The following DUOX2 variants were observed in gnomAD, a reference collection of about 807,000 sequenced individuals.
The protein encoded by DUOX2 is NADH/NADPH thyroid oxidase p138-tox.
A neutral mutation model predicts 183.3 loss-of-function variants in DUOX2; 185 were observed. That is an observed-to-expected ratio of 1.01 (90% CI 0.90 to 1.14). The LOEUF (loss-of-function observed/expected upper bound fraction) is 1.14. DUOX2 is among the 50% of genes most tolerant of loss of function. The pLI, the probability that DUOX2 is intolerant of heterozygous loss-of-function variation, is 0.00. For synonymous variants in DUOX2, 788 were observed against 812.4 expected, an observed-to-expected ratio of 0.97 and a Z score of 0.51; for missense variants, 1,999 against 2,022.9, an observed-to-expected ratio of 0.99 and a Z score of 0.23.
Position 45,093,906 on chromosome 15 carries a change from G to A in DUOX2, c.*244C>T, listed in dbSNP as rs751392993. On this transcript the variant is annotated 3_prime_UTR_variant, in exon 34 of 34. Coordinates refer to ENST00000389039, the MANE Select transcript of DUOX2 (RefSeq NM_001363711.2). ...GGAAGTCTGGAGGGCTGCAGGAATG[G>A]TGCCGTTGATAAACAGGTGGACTTA... 5 of 516,554 alleles carry A rather than the reference G, an allele frequency of 9.7e-6. No individual in the cohort carries two copies. The highest frequency in any genetic ancestry group is 1.9e-5 in the African/African-American group (1 of 51,866). 32.0% of individuals were successfully genotyped at this position (516,554 alleles called of 1,614,324 possible). A position where few individuals can be genotyped will look rare whatever the true frequency, so the allele number is the denominator to read the frequency against.
At chr15:45,097,949 G>A (rs1893950576) in intron 27 of DUOX2, 60 bp downstream of exon 27, 1 of 1,574,632 alleles carries the variant, frequency 6.4e-7, no homozygotes, top group Admixed American at 1.7e-5. Flanking sequence ...AGTATTCACA[G>A]AGAGATGGAG....
intron 23 of DUOX2, chr15:45,100,449 T>C (rs1056248658): frequency 8.2e-6 from 5 of 610,026 alleles, no homozygotes; most frequent in Admixed American, 2.9e-5. Flanking sequence ...CCCCTCCTCC[T>C]GTCTGTTTTA....
rs753544215 is a variant in DUOX2, at chr15:45,109,885, C to A, written c.1131+5G>T. ...ATCTTCCCCTGACCCTGACCCCAGT[C>A]TGACCTCCCGAATCCAGTAGTTGTT... On this transcript the variant is annotated splice_donor_5th_base_variant and intron_variant, in intron 10 of 33. Coordinates refer to ENST00000389039, the MANE Select transcript of DUOX2 (RefSeq NM_001363711.2). 4.9e-5 allele frequency: 79 copies of A among 1,614,012 alleles called. No homozygotes were observed. Among genetic ancestry groups the A allele is most frequent in the Non-Finnish European group, 6.4e-5 (75 of 1,179,984 alleles).
rs766411890 is a variant in DUOX2 at position 45,106,286 on chromosome 15, T to C, written c.1987A>G (p.Ile663Val). ...CACCTGTCTGACAGCAGCTGGATGA[T>C]GATGGGACTGCTCCTCTCCTTGGGG... ...PGPKERSSPI[I>V]IQLLSDRCLQ... Residue 663 changes from isoleucine to valine, a missense_variant, in exon 17 of 34, where the codon ATC (isoleucine) becomes GTC (valine). By Grantham distance (29) the Ile-to-Val change is conservative. Around this residue, in one of 3 missense-constraint regions of DUOX2, gnomAD observed 1,628 missense variants for 1,608.6 expected, o/e 1.01. Transcript: ENST00000389039. 103 of 1,614,030 alleles carry C rather than the reference T, an allele frequency of 6.4e-5. No homozygotes were observed. Among genetic ancestry groups the C allele is most frequent in the Middle Eastern group, 3.3e-4 (2 of 6,084 alleles).
At chr15:45,105,370 C>T (rs964955831) in intron 18 of DUOX2, among the ~76,000 whole-genome samples, 2 of 152,142 alleles carry the variant, frequency 1.3e-5, no homozygotes, top group Admixed American at 6.5e-5. Flanking sequence ...CTCATGTAGA[C>T]GATCTCACCG....
Position 45,105,753 on chromosome 15 carries a change from G to C in DUOX2, c.2224C>G (p.Leu742Val). Residue 742 changes from leucine to valine, a missense_variant, in exon 18 of 34, where the codon CTG (leucine) becomes GTG (valine). This residue lies in a region of DUOX2 where 1,628 missense variants were observed against 1,608.6 expected (regional missense o/e 1.01). Transcript: ENST00000389039. ...CTCATCTCAGCCACATGGAGGCCCA[G>C]AGCCCAGCGCACGCAGAAGTCCCAT... is the stretch of plus-strand genomic sequence containing the variant. ...QLWDFCVRWALGLHVAEMSEK... is the reference protein window; with the variant it reads ...QLWDFCVRWAVGLHVAEMSEK... 1 of 1,614,220 alleles carries C rather than the reference G, an allele frequency of 6.2e-7. No homozygotes were observed. Among genetic ancestry groups the C allele is most frequent in the South Asian group, 1.1e-5 (1 of 91,082 alleles).
Position 45,104,074 on chromosome 15 carries a change from G to T in DUOX2, c.2561-21C>A, listed in dbSNP as rs748798653. ...GGAGCCTGGGAAGAAAAAAGGGAATGCAGGTCATCTCCTTGCTGAAAGACC... is the reference window on the plus strand; with the variant it reads ...GGAGCCTGGGAAGAAAAAAGGGAATTCAGGTCATCTCCTTGCTGAAAGACC... On this transcript the variant is annotated intron_variant, in intron 19 of 33. Coordinates refer to ENST00000389039, the MANE Select transcript of DUOX2 (RefSeq NM_001363711.2). The T allele has an allele frequency of 1.7e-5, 28 of 1,613,966 alleles. No individual in the cohort carries two copies. In the Admixed American group the frequency reaches 2.3e-4, roughly 13 times the overall value.
chr15:45,101,129 C>A (rs1480591795), intron 22 of DUOX2, 76 bp downstream of exon 22: 12 of 1,350,226 alleles, frequency 8.9e-6, no homozygotes, highest in Non-Finnish European at 1.3e-5. Context: ...AGGGGCTGAT[C>A]AGCCAGTCCT....
rs1893827180 is a variant in DUOX2 at position 45,094,018 on chromosome 15, G to T, written c.*132C>A. 2.5e-6 allele frequency: 3 copies of T among 1,198,512 alleles called. No homozygotes were observed. Among genetic ancestry groups the T allele is most frequent in the Non-Finnish European group, 3.7e-6 (3 of 811,898 alleles). 74.2% of individuals were successfully genotyped at this position (1,198,512 alleles called of 1,614,324 possible). Reference sequence around the variant, plus strand: ...TCTGGGTCAATATTCTCCCAATATTGGGAGGGGCTCTGCAGCCCTCCAGCT... The same window carrying T: ...TCTGGGTCAATATTCTCCCAATATTTGGAGGGGCTCTGCAGCCCTCCAGCT... On this transcript the variant is annotated 3_prime_UTR_variant, in exon 34 of 34. Transcript: ENST00000389039.
chr15:45,105,040 C>T (rs954868927), intron 18 of DUOX2, among the ~76,000 whole-genome samples: 6 of 152,150 alleles, frequency 3.9e-5, no homozygotes, highest in African/African-American at 1.2e-4. Flanking sequence ...ATGCTAGTCT[C>T]GAACTCCTGA....
rs568523847 is a variant in DUOX2, at chr15:45,107,263, G to A, written c.1693+82C>T. ...CAGAAGGTGCCTGGCTCCCTGGACA[G>A]CACCAAGTGATTCCCCCGCACCCTC... On this transcript the variant is annotated intron_variant, in intron 14 of 33. Transcript: ENST00000389039. 466 of 1,551,246 alleles carry A rather than the reference G, an allele frequency of 3.0e-4. 2 individuals are homozygous for A. The South Asian group carries it at 4.8e-3, about 16-fold the overall frequency.
intron 13 of DUOX2, 96 bp from the exon 14 acceptor site, chr15:45,107,559 A>G: frequency 7.6e-7 from 1 of 1,324,496 alleles, no homozygotes; most frequent in Non-Finnish European, 1.1e-6. Flanking sequence ...AGAGACCCAG[A>G]GGGGCTGGGT....
Position 45,094,131 on chromosome 15 carries a change from G to T in DUOX2, c.*19C>A, listed in dbSNP as rs376818260. 2 of 1,614,160 alleles carry T rather than the reference G, an allele frequency of 1.2e-6. No homozygotes were observed. Among genetic ancestry groups the T allele is most frequent in the African/African-American group, 2.7e-5 (2 of 75,044 alleles). ...AAGAGAAGGCAGGATACTGGAAGCA[G>T]CAGCCAGGGAGGACAGGCTCAGAAG... On this transcript the variant is annotated 3_prime_UTR_variant, in exon 34 of 34. Coordinates refer to ENST00000389039, the MANE Select transcript of DUOX2 (RefSeq NM_001363711.2).
chr15:45,113,602 C>G (rs1336363127), intron 1 of DUOX2, 177 bp from the exon 2 acceptor site: 1 of 632,532 alleles, frequency 1.6e-6, no homozygotes, highest in Non-Finnish European at 2.9e-6. Flanking sequence ...GCCACTCTTT[C>G]CAGGACAATT....
intron 17 of DUOX2, 58 bp from the exon 18 acceptor site, chr15:45,105,886 C>G: frequency 6.2e-7 from 1 of 1,602,028 alleles, no homozygotes; most frequent in Admixed American, 1.7e-5. Context: ...CTGCTTCAGC[C>G]TCCCCTCAAT....
In DUOX2 at chr15:45,094,272, C is replaced by A; in HGVS notation, c.4525G>T (p.Val1509Leu). Residue 1509 changes from valine (V) to leucine (L), a missense_variant and splice_region_variant, in exon 34 of 34, where the codon GTG (valine) becomes TTG (leucine). By Grantham distance (32) the Val-to-Leu change is conservative. Coordinates refer to ENST00000389039, the MANE Select transcript of DUOX2 (RefSeq NM_001363711.2). ...FNSLQEVHPQ[V>L]RKIGVFSCGP... ...CAGCTGAACACCCCGATCTTGCGCACCTGTCAGGAGATTGGAGAGAGAGAG... is the reference window on the plus strand; with the variant it reads ...CAGCTGAACACCCCGATCTTGCGCAACTGTCAGGAGATTGGAGAGAGAGAG... 6.2e-7 allele frequency: 1 copy of A among 1,614,128 alleles called. No individual in the cohort carries two copies.
intron 23 of DUOX2, 141 bp from the exon 24 acceptor site, chr15:45,100,369 G>T: frequency 1.3e-6 from 1 of 746,582 alleles, no homozygotes; most frequent in Non-Finnish European, 2.1e-6. Flanking sequence ...CAATCTGGGG[G>T]CTTCTTCCTC....
intron 3 of DUOX2, 28 bp from the exon 4 acceptor site, chr15:45,112,746 C>G: frequency 6.2e-7 from 1 of 1,609,170 alleles, no homozygotes; most frequent in Non-Finnish European, 8.5e-7. Flanking sequence ...GGGGCTCTGT[C>G]TAAGCACTCC....
chr15:45,100,310 G>C, intron 23 of DUOX2, 82 bp from the exon 24 acceptor site: 1 of 1,413,240 alleles, frequency 7.1e-7, no homozygotes, highest in Non-Finnish European at 9.7e-7. Context: ...AGGTGACCTG[G>C]GGATCTGGCA....
Sources: gnomAD v4.1 joint callset for allele counts (sites outside exome capture counted in the v4.1 genomes callset) on GRCh38, gnomAD v4.1.1 for gene constraint, gnomAD v4.1.1 regional missense constraint, MANE v1.5 for transcripts, NCBI Gene and HGNC (gene_info 2026-07-23, HGNC 2026-07-21) for gene names.